The following MKKS variants were observed in gnomAD, a reference collection of about 807,000 sequenced individuals.
The protein encoded by MKKS is MKKS centrosomal shuttling protein.
Under a neutral mutation model 33.2 loss-of-function variants are expected in MKKS, and 29 were observed. That is an observed-to-expected ratio of 0.87 (90% CI 0.65 to 1.19). MKKS has a LOEUF of 1.19. Ranked by LOEUF, MKKS falls within the 50% of genes most tolerant of loss-of-function variation. MKKS has a pLI of 0.00. For missense variants in MKKS, 661 were observed against 662.3 expected (o/e 1.00, Z 0.02); for synonymous variants, 260 against 244.0 (o/e 1.07, Z -0.61).
chr20:10,403,459 T>C lies in MKKS; in HGVS notation c.*1788A>G, dbSNP rs2064821520. On this transcript the variant is annotated 3_prime_UTR_variant, in exon 6 of 6. Coordinates refer to ENST00000347364, the MANE Select transcript of MKKS (RefSeq NM_170784.3). ...TACAACATCAGCTCAAAGTTCAGAA[T>C]CTCATAATTGGAATCAAGTCAGGGT... 6.6e-6 allele frequency: 1 copy of C among 151,974 alleles called. No individual in the cohort carries two copies. Among genetic ancestry groups the C allele is most frequent in the Admixed American group, 6.6e-5 (1 of 15,252 alleles). 9.4% of individuals were successfully genotyped at this position (151,974 alleles called of 1,614,324 possible).
intron 1 of MKKS, among the ~76,000 whole-genome samples, chr20:10,427,307 G>T (rs917720712): frequency 6.6e-6 from 1 of 152,050 alleles, no homozygotes; most frequent in Non-Finnish European, 1.5e-5. Context: ...TGGCCTTTTG[G>T]ACACAGTGTA....
intron 1 of MKKS, among the ~76,000 whole-genome samples, chr20:10,425,857 T>C (rs960464562): frequency 2.0e-5 from 3 of 152,216 alleles, no homozygotes; most frequent in African/African-American, 7.2e-5. Flanking sequence ...CTTTCTTTCC[T>C]GAATCTTCTT....
At chr20:10,432,344 T>C (rs1371323202) in intron 1 of MKKS, among the ~76,000 whole-genome samples, 1 of 152,134 alleles carries the variant, frequency 6.6e-6, no homozygotes, top group Non-Finnish European at 1.5e-5. Flanking sequence ...TGCCTCTAAA[T>C]CTCCTCAGAG....
chr20:10,426,918 A>AATG (rs1188075701), intron 1 of MKKS, among the ~76,000 whole-genome samples: 1 of 152,096 alleles, frequency 6.6e-6, no homozygotes, highest in Non-Finnish European at 1.5e-5. Flanking sequence ...CTCAGTATAG[A>AATG]ATGACAGCAA....
In MKKS at chr20:10,407,736, AACCCAAAT is replaced by A. The variant is rs2064852985; in HGVS notation, c.1162-18_1162-11del. ...CCGTCTGACACGTGAGCTAAGAAAA[AACCCAAAT>A]CATCAGAATCAGACGTTCACATCAT... On this transcript the variant is annotated splice_polypyrimidine_tract_variant and intron_variant, in intron 4 of 5. Coordinates refer to ENST00000347364, the MANE Select transcript of MKKS (RefSeq NM_170784.3). 1 of 1,602,464 alleles carries A rather than the reference AACCCAAAT, an allele frequency of 6.2e-7. No individual in the cohort carries two copies. Among genetic ancestry groups the A allele is most frequent in the African/African-American group, 1.3e-5 (1 of 74,764 alleles).
intron 1 of MKKS, among the ~76,000 whole-genome samples, chr20:10,430,170 C>T (rs547411088): frequency 2.8e-4 from 43 of 152,304 alleles, no homozygotes; most frequent in African/African-American, 9.4e-4. Context: ...GATCTAGATC[C>T]TGCCTACCAG....
In MKKS at chr20:10,407,705, G is replaced by T. The variant is rs1253641594; in HGVS notation, c.1183C>A (p.His395Asn). ...TCCTTGAGTGTTAACTGCAGGACAT[G>T]CAGTGCCGTCTGACACGTGAGCTAA... is the stretch of plus-strand genomic sequence containing the variant. The part of the protein sequence containing the change: ...ELKLTCQTAL[H>N]VLQLTLKEPW... Residue 395 changes from histidine (H) to asparagine (N), a missense_variant, in exon 5 of 6, where the codon CAT (histidine) becomes AAT (asparagine). By Grantham distance (68) the His-to-Asn change is moderately conservative (BLOSUM62 1). Coordinates refer to ENST00000347364, the MANE Select transcript of MKKS (RefSeq NM_170784.3). The T allele has an allele frequency of 1.2e-6, 2 of 1,613,906 alleles. No homozygotes were observed.
At chr20:10,429,687 A>G (rs954158749) in intron 1 of MKKS, among the ~76,000 whole-genome samples, 2 of 152,164 alleles carry the variant, frequency 1.3e-5, no homozygotes, top group Non-Finnish European at 2.9e-5. Context: ...CTCACTCAGC[A>G]CATCCTGCCA....
intron 2 of MKKS, among the ~76,000 whole-genome samples, chr20:10,416,102 A>G (rs757380317): frequency 7.9e-5 from 12 of 152,326 alleles, no homozygotes; most frequent in Admixed American, 5.9e-4. Context: ...AAGAGTTACC[A>G]TTAGACGAAT....
intron 3 of MKKS, among the ~76,000 whole-genome samples, chr20:10,412,130 C>T (rs6108560): frequency 0.19 from 28,119 of 151,884 alleles, 3,368 homozygotes; most frequent in African/African-American, 0.33. Context: ...GGAATTATGA[C>T]AAAGTGAAGA....
chr20:10,427,653 C>A (rs537811140), intron 1 of MKKS, among the ~76,000 whole-genome samples: 1 of 152,188 alleles, frequency 6.6e-6, no homozygotes, highest in East Asian at 1.9e-4. Flanking sequence ...AAAGACTGCA[C>A]GTGGTCTTCA....
In MKKS at chr20:10,411,558, T is replaced by G. The variant is rs1052319256; in HGVS notation, c.985+972A>C. On this transcript the variant is annotated intron_variant, in intron 3 of 5. Coordinates refer to ENST00000347364, the MANE Select transcript of MKKS (RefSeq NM_170784.3). ...AGTTCCAAGGAATTATTTCCATTAT[T>G]AAGAAACTCTACTTTTGACAGTCAT... is the stretch of plus-strand genomic sequence containing the variant. 4.6e-5 allele frequency among the ~76,000 whole-genome samples: 7 copies of G among 152,234 alleles called. No homozygotes were observed. The East Asian group carries it at 1.2e-3, about 25-fold the overall frequency.
Position 10,407,685 on chromosome 20 carries a change from G to A in MKKS, c.1203C>T (p.Leu401=). The change falls in exon 5 of 6, where the codon CTC becomes CTT. Residue 401 remains leucine (L), a synonymous_variant. Coordinates refer to ENST00000347364, the MANE Select transcript of MKKS (RefSeq NM_170784.3). ...CTCCCAACAAAGCCCATGGTTCCTTGAGTGTTAACTGCAGGACATGCAGTG... is the reference window on the plus strand; with the variant it reads ...CTCCCAACAAAGCCCATGGTTCCTTAAGTGTTAACTGCAGGACATGCAGTG... ...QTALHVLQLT[L]KEPWALLGGG... The A allele has an allele frequency of 6.2e-7, 1 of 1,613,988 alleles. No homozygotes were observed. Among genetic ancestry groups the A allele is most frequent in the Non-Finnish European group, 8.5e-7 (1 of 1,179,928 alleles).
At chr20:10,407,055 C>T (rs1197300562) in intron 5 of MKKS, among the ~76,000 whole-genome samples, 5 of 151,932 alleles carry the variant, frequency 3.3e-5, no homozygotes, top group Non-Finnish European at 7.4e-5. Flanking sequence ...TTTCCTAGAC[C>T]AATCAAAAAA....
rs764654199 is a variant in MKKS at position 10,405,649 on chromosome 20, T to A, written c.1311A>T (p.Glu437Asp). The A allele has an allele frequency of 3.7e-6, 6 of 1,614,062 alleles. No homozygotes were observed. In the African/African-American group the frequency reaches 8.0e-5, roughly 22 times the overall value. Reference sequence around the variant, plus strand: ...TTAATTGAAGTTCTGTTTGAGTACATTCATCATCTTTGAGAATGCTTTCTG... The same window carrying A: ...TTAATTGAAGTTCTGTTTGAGTACAATCATCATCTTTGAGAATGCTTTCTG... ...NDPESILKDD[E>D]CTQTELQLIA... The change falls in exon 6 of 6, where the codon GAA becomes GAT. Residue 437 changes from glutamate to aspartate, a missense_variant. Glu to Asp is a conservative substitution (Grantham distance 45, BLOSUM62 2). Coordinates refer to ENST00000347364, the MANE Select transcript of MKKS (RefSeq NM_170784.3).
rs2064896896 is a variant in MKKS, at chr20:10,412,528, A to G, written c.985+2T>C. 1 of 1,613,108 alleles carries G rather than the reference A, an allele frequency of 6.2e-7. No individual in the cohort carries two copies. Among genetic ancestry groups the G allele is most frequent in the African/African-American group, 1.3e-5 (1 of 74,936 alleles). ...GAGGCAAAAGCAAAGAGTGATTTTT[A>G]CCTGTCATTTTAGTCAGGGGTTCCA... On this transcript the variant is annotated splice_donor_variant, in intron 3 of 5. Transcript: ENST00000347364. LOFTEE classifies it high-confidence loss of function.
intron 4 of MKKS, among the ~76,000 whole-genome samples, chr20:10,408,320 C>A (rs1381230437): frequency 3.9e-5 from 6 of 152,118 alleles, no homozygotes; most frequent in Non-Finnish European, 1.5e-5. Flanking sequence ...ACTCATTTTT[C>A]CAAGTGAATT....
intron 2 of MKKS, among the ~76,000 whole-genome samples, chr20:10,417,211 A>C (rs979206205): frequency 1.3e-5 from 2 of 150,744 alleles, no homozygotes; most frequent in Non-Finnish European, 2.9e-5. Flanking sequence ...ACATCACCCA[A>C]CTGCAGCCTG....
chr20:10,424,998 A>G, intron 1 of MKKS, among the ~76,000 whole-genome samples: 1 of 151,780 alleles, frequency 6.6e-6, no homozygotes, highest in Non-Finnish European at 1.5e-5. Context: ...GGTTGCAGTG[A>G]GCCAAGATCA....
Sources: allele counts gnomAD v4.1 joint callset (sites outside exome capture counted in the v4.1 genomes callset), GRCh38; gene constraint gnomAD v4.1.1; transcripts MANE v1.5; gene names NCBI Gene and HGNC (gene_info 2026-07-23, HGNC 2026-07-21).